Variants in PPP6C observed in about 807,000 individuals in gnomAD.
PPP6C encodes protein phosphatase 6 catalytic subunit, also known as serine/threonine-protein phosphatase 6 catalytic subunit.
Under a neutral mutation model 39.8 loss-of-function variants are expected in PPP6C, and 11 were observed. That is an observed-to-expected ratio of 0.28 (90% CI 0.17 to 0.46). The LOEUF is 0.46. Among genes scored for constraint, PPP6C ranks in the 20% least tolerant of loss-of-function variants. The pLI is 1.00. For missense variants in PPP6C, 211 were observed against 373.9 expected, an observed-to-expected ratio of 0.56 and a Z score of 3.59; for synonymous variants, 129 against 130.3, an observed-to-expected ratio of 0.99 and a Z score of 0.07.
At chr9:125,169,886 A>G (rs1348550798) in intron 2 of PPP6C, among the ~76,000 whole-genome samples, 3 of 152,172 alleles carry the variant, frequency 2.0e-5, no homozygotes, top group Non-Finnish European at 4.4e-5. Flanking sequence ...AACACCTTGA[A>G]AAACCAAAAG....
At position 125,168,812 on chromosome 9, in the gene PPP6C, G is replaced by A. The variant is rs140041971; in HGVS notation, c.171+2273C>T. Among the ~76,000 whole-genome samples the A allele has an allele frequency of 2.2e-4, 33 of 151,010 alleles. No individual in the cohort carries two copies. In the East Asian group the frequency reaches 6.2e-3, roughly 28 times the overall value. ...AGTCTCACTCTATTGCCCAGGCTGG[G>A]GTGCAATGCATGATCTCGGTTCACT... On this transcript the variant is annotated intron_variant, in intron 2 of 6. Coordinates refer to ENST00000373547, the MANE Select transcript of PPP6C (RefSeq NM_002721.5).
At position 125,156,773 on chromosome 9, in the gene PPP6C, CTCTT is replaced by C. The variant is rs991312400; in HGVS notation, c.379+1464_379+1467del. ...TCTCTCTCTCTCTCTCTCTCTCTCT[CTCTT>C]TCAACCAAATAAAAGTTTTAAAGAA... On this transcript the variant is annotated intron_variant, in intron 4 of 6. Transcript: ENST00000373547. Among the ~76,000 whole-genome samples, 7 of 150,024 alleles carry C rather than the reference CTCTT, an allele frequency of 4.7e-5. No homozygotes were observed. In the Admixed American group the frequency reaches 4.7e-4, roughly 10 times the overall value.
At chr9:125,171,478 C>CACATATATATATATATATATATAT (rs1171157245) in intron 1 of PPP6C, among the ~76,000 whole-genome samples, 1 of 83,530 alleles carries the variant, frequency 1.2e-5, no homozygotes, top group Non-Finnish European at 2.2e-5. Context: ...CACACACACA[C>CACATATATATATATATATATATAT]ATATATATAT....
intron 2 of PPP6C, among the ~76,000 whole-genome samples, chr9:125,165,956 C>G (rs960812841): frequency 2.6e-5 from 4 of 151,948 alleles, no homozygotes; most frequent in Non-Finnish European, 5.9e-5. Flanking sequence ...ACCTCCACAC[C>G]TGGCTAATTT....
intron 2 of PPP6C, among the ~76,000 whole-genome samples, chr9:125,162,140 ATT>A (rs1297122930): frequency 9.2e-5 from 14 of 152,054 alleles, no homozygotes; most frequent in Non-Finnish European, 2.9e-5. Context: ...GTATCTGAAA[ATT>A]AGCTAACAGG....
intron 1 of PPP6C, 85 bp downstream of exon 1, chr9:125,189,559 T>C (rs1218724414): frequency 6.3e-7 from 1 of 1,593,610 alleles, no homozygotes; most frequent in Non-Finnish European, 8.5e-7. Flanking sequence ...CTGGACTGGA[T>C]ACCCGGCGGG....
intron 2 of PPP6C, among the ~76,000 whole-genome samples, chr9:125,161,693 C>T (rs556229940): frequency 1.3e-5 from 2 of 152,270 alleles, no homozygotes; most frequent in East Asian, 3.9e-4. Context: ...CCTCAGTCTC[C>T]CAAAGTGCTG....
chr9:125,171,127 T>C lies in PPP6C; in HGVS notation c.129A>G (p.Pro43=). ...CACACACTGTTACTGGTGTTGATAC[T>C]GGCTGAACATTTGACTCTTCTAAGA... ...DLLLEESNVQ[P]VSTPVTVCGD... is the part of the protein sequence containing the mutation. The change falls in exon 2 of 7, where the codon CCA becomes CCG. Residue 43 remains proline (P), a synonymous_variant. Coordinates refer to ENST00000373547, the MANE Select transcript of PPP6C (RefSeq NM_002721.5). 6.2e-7 allele frequency: 1 copy of C among 1,605,956 alleles called. No homozygotes were observed.
At chr9:125,158,945 T>C (rs1828780837) in intron 3 of PPP6C, among the ~76,000 whole-genome samples, 1 of 151,782 alleles carries the variant, frequency 6.6e-6, no homozygotes, top group African/African-American at 2.4e-5. Flanking sequence ...ATTATAGATG[T>C]GAGCCACCAC....
chr9:125,178,735 A>G (rs1829358856), intron 1 of PPP6C, among the ~76,000 whole-genome samples: 1 of 152,080 alleles, frequency 6.6e-6, no homozygotes, highest in Non-Finnish European at 1.5e-5. Flanking sequence ...AAAGCCACCC[A>G]CGTATCACCA....
intron 1 of PPP6C, among the ~76,000 whole-genome samples, chr9:125,174,744 T>C (rs917159134): frequency 1.3e-5 from 2 of 151,478 alleles, no homozygotes; most frequent in African/African-American, 2.4e-5. Context: ...ACCCTGTCTA[T>C]ACTAAAAAAT....
chr9:125,149,852 T>A lies in PPP6C; in HGVS notation c.739A>T (p.Met247Leu). 1 of 1,614,202 alleles carries A rather than the reference T, an allele frequency of 6.2e-7. No homozygotes were observed. Among genetic ancestry groups the A allele is most frequent in the Non-Finnish European group, 8.5e-7 (1 of 1,180,028 alleles). ...HQLVHEGYKFMFDEKLVTVWS... is the reference protein window; with the variant it reads ...HQLVHEGYKFLFDEKLVTVWS... ...ACTGTCACCAGCTTCTCATCAAACA[T>A]AAATTTATAGCCTTCGTGCACTAGT... The change falls in exon 7 of 7, where the codon ATG becomes TTG. Residue 247 changes from methionine to leucine, a missense_variant. Met to Leu is a conservative substitution (Grantham distance 15, BLOSUM62 2). Coordinates refer to ENST00000373547, the MANE Select transcript of PPP6C (RefSeq NM_002721.5).
At chr9:125,171,051 T>A (rs753566089) in intron 2 of PPP6C, 34 bp downstream of exon 2, 19 of 1,438,458 alleles carry the variant, frequency 1.3e-5, no homozygotes, top group Non-Finnish European at 1.8e-5. Flanking sequence ...TCATGGACAG[T>A]ACAAAACTTA....
In PPP6C at chr9:125,158,269, T is replaced by C; in HGVS notation, c.351A>G (p.Arg117=). ...AAAATCCATAGACCTGTGTTATCTG[T>C]CTACTCTCATGATTTCCTCGCAAAA... ...ITLLRGNHES[R]QITQVYGFYD... is the part of the protein sequence containing the mutation. Residue 117 remains arginine (R), a synonymous_variant, in exon 4 of 7, where the codon AGA becomes AGG. Transcript: ENST00000373547. 6.2e-7 allele frequency: 1 copy of C among 1,609,708 alleles called. No individual in the cohort carries two copies. Among genetic ancestry groups the C allele is most frequent in the Non-Finnish European group, 8.5e-7 (1 of 1,176,110 alleles).
chr9:125,158,421 G>A (rs768475576), intron 3 of PPP6C, 39 bp from the exon 4 acceptor site: 1 of 1,578,342 alleles, frequency 6.3e-7, no homozygotes, highest in Admixed American at 1.7e-5. Flanking sequence ...CAATACAATA[G>A]CCACAATATT....
At chr9:125,177,990 T>C (rs1829340649) in intron 1 of PPP6C, among the ~76,000 whole-genome samples, 1 of 152,226 alleles carries the variant, frequency 6.6e-6, no homozygotes, top group Non-Finnish European at 1.5e-5. Flanking sequence ...AGCTCATTTC[T>C]TCTTAGCACT....
intron 1 of PPP6C, among the ~76,000 whole-genome samples, chr9:125,172,665 G>C (rs1829197418): frequency 6.6e-6 from 1 of 151,914 alleles, no homozygotes; most frequent in Non-Finnish European, 1.5e-5. Flanking sequence ...TTTGACTATA[G>C]AGTTGGATAC....
intron 1 of PPP6C, chr9:125,188,845 A>T: frequency 1.3e-6 from 1 of 771,104 alleles, no homozygotes. Context: ...AAAGAAAAGC[A>T]GTATACCAAA....
intron 2 of PPP6C, among the ~76,000 whole-genome samples, chr9:125,162,693 C>A (rs1202015520): frequency 6.9e-6 from 1 of 145,878 alleles, no homozygotes; most frequent in Non-Finnish European, 1.5e-5. Flanking sequence ...GGAGAATCAC[C>A]TGAACCTGAG....
Sources: allele counts gnomAD v4.1 joint callset (sites outside exome capture counted in the v4.1 genomes callset), GRCh38; gene constraint gnomAD v4.1.1; transcripts MANE v1.5; gene names NCBI Gene and HGNC (gene_info 2026-07-23, HGNC 2026-07-21).